WDPCP: variants seen among roughly 807,000 people sequenced by gnomAD.
WDPCP encodes the protein WD repeat-containing and planar cell polarity effector protein fritz homolog.
Under a neutral mutation model 93.1 loss-of-function variants are expected in WDPCP, and 71 were observed. The observed-to-expected ratio is 0.76, with a 90% confidence interval of 0.63 to 0.93. The LOEUF (loss-of-function observed/expected upper bound fraction) is 0.93, where lower values mean the gene tolerates loss of function less well. Among genes scored for constraint, WDPCP ranks in the 40% least tolerant of loss-of-function variants. The probability of loss-of-function intolerance (pLI) is 0.00; values close to 1 mark genes in which losing one functional copy is unlikely to be tolerated. For missense variants in WDPCP, 844 were observed against 887.4 expected, an observed-to-expected ratio of 0.95 and a Z score of 0.62; for synonymous variants, 315 against 315.0, an observed-to-expected ratio of 1.00 and a Z score of 0.00.
At chr2:63,748,497 T>C (rs548316195) in intron 2 of WDPCP, among the ~76,000 whole-genome samples, 16 of 152,210 alleles carry the variant, frequency 1.1e-4, no homozygotes, top group Middle Eastern at 6.9e-3. Flanking sequence ...CATATAAATT[T>C]TCTCCTTTAA....
At chr2:63,134,353 A>C (rs552695640) in intron 17 of WDPCP, among the ~76,000 whole-genome samples, 1 of 152,180 alleles carries the variant, frequency 6.6e-6, no homozygotes, top group African/African-American at 2.4e-5. Flanking sequence ...AATATAATAG[A>C]TCACAATTAT....
chr2:63,126,241 A>C (rs752043432), intron 17 of WDPCP, among the ~76,000 whole-genome samples: 21 of 152,140 alleles, frequency 1.4e-4, no homozygotes, highest in Non-Finnish European at 1.3e-4. Flanking sequence ...GGCTGCACAA[A>C]CATTCTTGAG....
At chr2:63,134,687 G>A (rs910840254) in intron 17 of WDPCP, among the ~76,000 whole-genome samples, 2 of 152,146 alleles carry the variant, frequency 1.3e-5, no homozygotes, top group Non-Finnish European at 2.9e-5. Context: ...GACCTCTGAT[G>A]GCTTCTGATT....
chr2:63,688,567 T>A (rs919567588), intron 2 of WDPCP, among the ~76,000 whole-genome samples: 1 of 151,990 alleles, frequency 6.6e-6, no homozygotes, highest in African/African-American at 2.4e-5. Context: ...TTGCTAGCAC[T>A]ACAGGGTGAC....
rs573491019 is a variant in WDPCP at position 63,177,712 on chromosome 2, T to G, written c.1916-2880A>C. ...CCTTTCTGATTTTGGTGCCTTTTATTTCACTTGCATAATTGCTTTGACTAG... is the reference window on the plus strand; with the variant it reads ...CCTTTCTGATTTTGGTGCCTTTTATGTCACTTGCATAATTGCTTTGACTAG... On this transcript the variant is annotated intron_variant, in intron 14 of 17. Transcript: ENST00000272321. Among the ~76,000 whole-genome samples, 4 of 152,224 alleles carry G rather than the reference T, an allele frequency of 2.6e-5. No homozygotes were observed. In the East Asian group the frequency reaches 7.7e-4, roughly 29 times the overall value.
intron 1 of WDPCP, among the ~76,000 whole-genome samples, chr2:63,816,581 A>G (rs1342073165): frequency 6.6e-6 from 1 of 152,188 alleles, no homozygotes; most frequent in Non-Finnish European, 1.5e-5. Context: ...CTGGAAGAAG[A>G]AAGGAAGGAT....
At chr2:63,795,123 T>C (rs1418467674) in intron 2 of WDPCP, among the ~76,000 whole-genome samples, 6 of 152,332 alleles carry the variant, frequency 3.9e-5, no homozygotes, top group African/African-American at 1.4e-4. Context: ...CAATTTGAGT[T>C]AGGGCATTCT....
intron 15 of WDPCP, among the ~76,000 whole-genome samples, chr2:63,160,479 C>G (rs1346293867): frequency 6.6e-6 from 1 of 152,088 alleles, no homozygotes; most frequent in African/African-American, 2.4e-5. Flanking sequence ...ATATTGACCA[C>G]AATTCATTAA....
chr2:63,821,885 A>C (rs1162724574), intron 1 of WDPCP, among the ~76,000 whole-genome samples: 1 of 152,210 alleles, frequency 6.6e-6, no homozygotes, highest in Non-Finnish European at 1.5e-5. Context: ...GAAGTTAAGT[A>C]GTAAGGATAG....
At chr2:63,183,625 G>GTAAA (rs1193085556) in intron 14 of WDPCP, among the ~76,000 whole-genome samples, 3 of 152,094 alleles carry the variant, frequency 2.0e-5, no homozygotes, top group Non-Finnish European at 4.4e-5. Context: ...AGAGTGTTCT[G>GTAAA]TAAATGTCTG....
chr2:63,139,198 C>T (rs1488972897), intron 17 of WDPCP, among the ~76,000 whole-genome samples: 1 of 151,954 alleles, frequency 6.6e-6, no homozygotes, highest in Non-Finnish European at 1.5e-5. Flanking sequence ...CACACACACA[C>T]ACCAGTTTCT....
intron 3 of WDPCP, among the ~76,000 whole-genome samples, chr2:63,639,472 A>G (rs1207860377): frequency 6.6e-6 from 1 of 152,002 alleles, no homozygotes; most frequent in African/African-American, 2.4e-5. Flanking sequence ...ATAGTTCTAG[A>G]GGTTGAGGAG....
chr2:63,676,971 C>A (rs1710411138), intron 2 of WDPCP, among the ~76,000 whole-genome samples: 1 of 152,124 alleles, frequency 6.6e-6, no homozygotes, highest in Non-Finnish European at 1.5e-5. Flanking sequence ...CTTTTCAGTG[C>A]ATTTTTTGCA....
At chr2:63,633,164 C>G (rs988434742) in intron 3 of WDPCP, among the ~76,000 whole-genome samples, 1 of 152,168 alleles carries the variant, frequency 6.6e-6, no homozygotes, top group East Asian at 1.9e-4. Context: ...AAGACATTCC[C>G]AGACAAACAA....
chr2:63,286,514 G>A (rs534493163), intron 13 of WDPCP, among the ~76,000 whole-genome samples: 4 of 151,856 alleles, frequency 2.6e-5, no homozygotes, highest in South Asian at 2.1e-4. Flanking sequence ...TAACTCCACC[G>A]CCTATCCCAA....
intron 13 of WDPCP, among the ~76,000 whole-genome samples, chr2:63,299,201 C>T (rs12713478): frequency 0.78 from 119,339 of 152,160 alleles, 47,371 homozygotes; most frequent in East Asian, 0.96. Context: ...AAAGACAGCC[C>T]AGCTGTCAGT....
chr2:63,471,807 A>C (rs899456338), intron 6 of WDPCP, among the ~76,000 whole-genome samples: 1 of 152,106 alleles, frequency 6.6e-6, no homozygotes, highest in African/African-American at 2.4e-5. Flanking sequence ...TTGATTCCTA[A>C]GAATCTTGTT....
At chr2:63,155,659 G>A (rs1672190548) in intron 15 of WDPCP, among the ~76,000 whole-genome samples, 2 of 152,168 alleles carry the variant, frequency 1.3e-5, no homozygotes, top group South Asian at 4.1e-4. Context: ...TATGATGACA[G>A]TTAAGTAGTT....
intron 2 of WDPCP, among the ~76,000 whole-genome samples, chr2:63,754,911 G>T (rs1363141729): frequency 1.3e-5 from 2 of 152,196 alleles, no homozygotes; most frequent in Non-Finnish European, 2.9e-5. Flanking sequence ...CTGGCTCAAG[G>T]TCATTCATGA....
Sources: allele counts gnomAD v4.1 joint callset (sites outside exome capture counted in the v4.1 genomes callset), GRCh38; gene constraint gnomAD v4.1.1; transcripts MANE v1.5; gene names NCBI Gene and HGNC (gene_info 2026-07-23, HGNC 2026-07-21).